Variants in DSCAM observed in about 807,000 individuals in gnomAD.
DSCAM encodes cell adhesion molecule DSCAM.
In DSCAM, 47 loss-of-function variants were observed where a neutral mutation model predicts 217.7. The ratio of observed to expected loss-of-function variants is 0.22; its 90% CI spans 0.17 to 0.28. The LOEUF (loss-of-function observed/expected upper bound fraction) is 0.28. Among genes scored for constraint, DSCAM ranks in the 10% least tolerant of loss-of-function variants. DSCAM has a pLI of 1.00. For synonymous variants in DSCAM, 1,056 were observed against 1,015.3 expected, an observed-to-expected ratio of 1.04 and a Z score of -0.76; for missense variants, 2,080 against 2,618.3, an observed-to-expected ratio of 0.79 and a Z score of 4.49.
intron 11 of DSCAM, among the ~76,000 whole-genome samples, chr21:40,216,625 T>C (rs550939793): frequency 6.4e-4 from 97 of 152,324 alleles, no homozygotes; most frequent in Non-Finnish European, 1.1e-3. Flanking sequence ...TCAATACTGT[T>C]TAAACTAGAT....
chr21:40,116,478 G>A (rs1001933315), intron 20 of DSCAM, among the ~76,000 whole-genome samples: 14 of 152,180 alleles, frequency 9.2e-5, no homozygotes, highest in African/African-American at 3.1e-4. Flanking sequence ...GAAACCCTTC[G>A]AGGTTTTTTC....
At chr21:40,818,547 CAAAAAAAAAAAAAAAAAA>C (rs60730859) in intron 1 of DSCAM, among the ~76,000 whole-genome samples, 87 of 41,854 alleles carry the variant, frequency 2.1e-3, no homozygotes, top group South Asian at 4.4e-3. Flanking sequence ...CTCCGTCTCA[CAAAAAAAAAAAAAAAAAA>C]AAAAAAAAAA....
chr21:40,518,527 TTTATA>T (rs2076331392), intron 3 of DSCAM, among the ~76,000 whole-genome samples: 1 of 40,876 alleles, frequency 2.4e-5, no homozygotes, highest in Non-Finnish European at 3.6e-5. Flanking sequence ...TAATATATAT[TTTATA>T]TATATATATG....
chr21:40,401,446 A>C (rs2075232970), intron 3 of DSCAM, among the ~76,000 whole-genome samples: 1 of 152,168 alleles, frequency 6.6e-6, no homozygotes, highest in African/African-American at 2.4e-5. Context: ...TACACTATTT[A>C]CACAAAACAA....
intron 11 of DSCAM, among the ~76,000 whole-genome samples, chr21:40,232,058 C>T (rs1231246689): frequency 6.6e-6 from 1 of 152,072 alleles, no homozygotes; most frequent in Non-Finnish European, 1.5e-5. Context: ...ATTGTTTACC[C>T]CACAATGAAT....
chr21:40,617,721 A>G (rs1308938466), intron 3 of DSCAM, among the ~76,000 whole-genome samples: 1 of 152,240 alleles, frequency 6.6e-6, no homozygotes, highest in Non-Finnish European at 1.5e-5. Context: ...GTCTGCTGAC[A>G]TTGCCATATG....
rs1051793204 is a variant in DSCAM, at chr21:40,368,848, A to C, written c.655+251T>G. Among the ~76,000 whole-genome samples, 6 of 152,214 alleles carry C rather than the reference A, an allele frequency of 3.9e-5. No individual in the cohort carries two copies. In the East Asian group the frequency reaches 1.2e-3, roughly 29 times the overall value. ...GATGGAGATGGATCTTTCACTCCTA[A>C]TGTGCTCCCTGAAATGCTAACGCAT... On this transcript the variant is annotated intron_variant, in intron 4 of 32. Transcript: ENST00000400454.
intron 11 of DSCAM, among the ~76,000 whole-genome samples, chr21:40,248,603 T>G (rs1402600544): frequency 6.6e-6 from 1 of 152,208 alleles, no homozygotes; most frequent in Non-Finnish European, 1.5e-5. Flanking sequence ...CTATCAGCAT[T>G]TTGGGCAAAG....
chr21:40,448,057 T>A lies in DSCAM; in HGVS notation c.509-78812A>T, dbSNP rs1257179834. Among the ~76,000 whole-genome samples the A allele has an allele frequency of 2.0e-5, 3 of 152,212 alleles. No homozygotes were observed. In the East Asian group the frequency reaches 5.8e-4, roughly 29 times the overall value. The stretch of plus-strand genomic sequence containing the variant: ...ATAAAGGCTAACTTCCCTCAATAGG[T>A]CAACATGGAAATCAACTGTGTTTTA... On this transcript the variant is annotated intron_variant, in intron 3 of 32. Coordinates refer to ENST00000400454, the MANE Select transcript of DSCAM (RefSeq NM_001389.5).
intron 3 of DSCAM, among the ~76,000 whole-genome samples, chr21:40,479,635 C>G (rs2075965357): frequency 6.6e-6 from 1 of 152,138 alleles, no homozygotes; most frequent in Non-Finnish European, 1.5e-5. Flanking sequence ...CACTTATTCA[C>G]TATCACGAGA....
chr21:40,220,765 G>A (rs1193086116), intron 11 of DSCAM, among the ~76,000 whole-genome samples: 1 of 152,168 alleles, frequency 6.6e-6, no homozygotes, highest in Non-Finnish European at 1.5e-5. Flanking sequence ...TGTATTCCAA[G>A]GTGGATAGAG....
rs540811001 is a variant in DSCAM, at chr21:40,381,029, C to T, written c.509-11784G>A. ...AGTGAGCCGAGATCGTGCCACTGCA[C>T]TCCAGCCTGGGCGACAGAGCGAGAC... On this transcript the variant is annotated intron_variant, in intron 3 of 32. Coordinates refer to ENST00000400454, the MANE Select transcript of DSCAM (RefSeq NM_001389.5). Among the ~76,000 whole-genome samples, 4 of 142,980 alleles carry T rather than the reference C, an allele frequency of 2.8e-5. No homozygotes were observed. The East Asian group carries it at 6.3e-4, about 23-fold the overall frequency. 93.8% of individuals were successfully genotyped at this position (142,980 alleles called of 152,430 possible).
At chr21:40,159,558 C>G (rs141389016) in intron 16 of DSCAM, among the ~76,000 whole-genome samples, 4 of 152,314 alleles carry the variant, frequency 2.6e-5, no homozygotes, top group Admixed American at 2.6e-4. Context: ...TATTAAATTA[C>G]TACCTACCCA....
At chr21:40,715,406 G>A (rs895952463) in intron 1 of DSCAM, among the ~76,000 whole-genome samples, 1 of 152,178 alleles carries the variant, frequency 6.6e-6, no homozygotes, top group African/African-American at 2.4e-5. Context: ...TGGGGCTATG[G>A]CTAAGCTGGG....
At chr21:40,419,346 AT>A (rs1415646901) in intron 3 of DSCAM, among the ~76,000 whole-genome samples, 1 of 152,198 alleles carries the variant, frequency 6.6e-6, no homozygotes, top group East Asian at 1.9e-4. Flanking sequence ...AGAAAAATTC[AT>A]GAAGTATCCG....
intron 1 of DSCAM, among the ~76,000 whole-genome samples, chr21:40,751,642 A>T (rs1258674474): frequency 6.6e-6 from 1 of 152,186 alleles, no homozygotes. Flanking sequence ...ACAACTACAA[A>T]GAACATTGAG....
At chr21:40,750,212 G>A (rs1162790910) in intron 1 of DSCAM, among the ~76,000 whole-genome samples, 1 of 151,986 alleles carries the variant, frequency 6.6e-6, no homozygotes, top group South Asian at 2.1e-4. Flanking sequence ...ACAGGCATGA[G>A]CCACCATGCC....
intron 3 of DSCAM, among the ~76,000 whole-genome samples, chr21:40,637,653 A>ATATAGATATAAATATATATC (rs1568955410): frequency 4.8e-4 from 6 of 12,396 alleles, no homozygotes; most frequent in African/African-American, 2.0e-3. Flanking sequence ...ATATATATCT[A>ATATAGATATAAATATATATC]TATATATATA....
At chr21:40,237,156 G>A (rs1327554092) in intron 11 of DSCAM, among the ~76,000 whole-genome samples, 1 of 152,194 alleles carries the variant, frequency 6.6e-6, no homozygotes, top group African/African-American at 2.4e-5. Context: ...TTTTGGAGAT[G>A]AGAAGTCTGA....
Sources: allele counts gnomAD v4.1 joint callset (sites outside exome capture counted in the v4.1 genomes callset), GRCh38; gene constraint gnomAD v4.1.1; transcripts MANE v1.5; gene names NCBI Gene and HGNC (gene_info 2026-07-23, HGNC 2026-07-21).